The following C14orf132 variants were observed in gnomAD, a reference collection of about 807,000 sequenced individuals.
C14orf132 encodes uncharacterized protein C14orf132.
In C14orf132, 6 loss-of-function variants were observed where a neutral mutation model predicts 5.8. The ratio of observed to expected loss-of-function variants is 1.03; its 90% CI spans 0.57 to 2.04. The LOEUF (loss-of-function observed/expected upper bound fraction) is 2.04. C14orf132 is among the 30% of genes most tolerant of loss of function. C14orf132 has a pLI of 0.00. For synonymous variants in C14orf132, 51 were observed against 49.8 expected (o/e 1.02, Z -0.10); for missense variants, 125 against 115.8 (o/e 1.08, Z -0.37).
chr14:96,049,653 T>TAGAG lies in C14orf132; in HGVS notation c.27+10143_27+10146dup, dbSNP rs1555384130. Among the ~76,000 whole-genome samples the TAGAG allele has an allele frequency of 4.6e-3, 380 of 82,270 alleles. 47 individuals are homozygous for TAGAG. The highest frequency in any genetic ancestry group is 0.015 in the African/African-American group (334 of 21,754). 54.0% of individuals were successfully genotyped at this position (82,270 alleles called of 152,430 possible). On this transcript the variant is annotated intron_variant, in intron 1 of 1. Coordinates refer to ENST00000555004, the MANE Select transcript of C14orf132 (RefSeq NM_001252507.3). ...ATACATATATACGTATATATATATA[T>TAGAG]AGAGAGAGAGAGAGAGAGAGTTCTG...
rs2181640 is a variant in C14orf132 at position 96,092,258 on chromosome 14, C to T, written c.*5523C>T. ...GGATTCTGGATGCTGGTCTTTTGAC[C>T]GTGGCGGCAGCCTCGCGCCTGCCCG... On this transcript the variant is annotated 3_prime_UTR_variant, in exon 2 of 2. Transcript: ENST00000555004. 8,550 of 152,212 alleles carry T rather than the reference C, an allele frequency of 0.056. 457 individuals are homozygous for T. The highest frequency in any genetic ancestry group is 0.3 in the East Asian group (1,551 of 5,136). The allele number at this position is 152,212 out of a possible 1,614,324, so 9.4% of individuals were successfully genotyped here. A position where few individuals can be genotyped will look rare whatever the true frequency, so the allele number is the denominator to read the frequency against.
intron 1 of C14orf132, among the ~76,000 whole-genome samples, chr14:96,041,875 T>TAAAAG (rs1700831632): frequency 6.6e-6 from 1 of 152,162 alleles, no homozygotes; most frequent in East Asian, 1.9e-4. Flanking sequence ...TTTCTGCATG[T>TAAAAG]TTATAAAAGC....
chr14:96,041,806 C>T lies in C14orf132; in HGVS notation c.27+2279C>T, dbSNP rs186333406. On this transcript the variant is annotated intron_variant, in intron 1 of 1. Transcript: ENST00000555004. ...CTAGTACCTGCCTTGTGACAAGCTC[C>T]GTATCAGGCACTGGGACAGGGATCC... 8.5e-5 allele frequency among the ~76,000 whole-genome samples: 13 copies of T among 152,284 alleles called. No individual in the cohort carries two copies. In the East Asian group the frequency reaches 9.7e-4, roughly 11 times the overall value.
At chr14:96,073,110 C>G (rs1385982650) in intron 1 of C14orf132, among the ~76,000 whole-genome samples, 2 of 151,892 alleles carry the variant, frequency 1.3e-5, no homozygotes, top group Admixed American at 1.3e-4. Context: ...TACAAGAGTT[C>G]TGGTTGCTCC....
intron 1 of C14orf132, among the ~76,000 whole-genome samples, chr14:96,060,243 T>C (rs1887310789): frequency 6.6e-6 from 1 of 152,028 alleles, no homozygotes; most frequent in Non-Finnish European, 1.5e-5. Context: ...ACAGGGCTGG[T>C]ATGAAGTTGA....
rs867854379 is a variant in C14orf132, at chr14:96,064,393, C to T, written c.28-22118C>T. Among the ~76,000 whole-genome samples the T allele has an allele frequency of 1.3e-3, 186 of 146,392 alleles. 1 individual carries two copies. The highest frequency in any genetic ancestry group is 4.4e-3 in the African/African-American group (169 of 38,530). ...ACACACACACACACACACACACACA[C>T]ATATACATATATGTATATATATACA... On this transcript the variant is annotated intron_variant, in intron 1 of 1. Transcript: ENST00000555004.
Position 96,072,676 on chromosome 14 carries a change from C to T in C14orf132, c.28-13835C>T, listed in dbSNP as rs907367352. On this transcript the variant is annotated intron_variant, in intron 1 of 1. Transcript: ENST00000555004. ...GCGGTCAACCACCCACTACCTGACA[C>T]ATCCCTGTCTCTGCTGTTGTCCACC... Among the ~76,000 whole-genome samples, 4 of 152,336 alleles carry T rather than the reference C, an allele frequency of 2.6e-5. No homozygotes were observed. In the South Asian group the frequency reaches 8.3e-4, roughly 32 times the overall value.
intron 1 of C14orf132, among the ~76,000 whole-genome samples, chr14:96,046,294 A>T (rs1183400907): frequency 6.6e-6 from 1 of 152,126 alleles, no homozygotes; most frequent in Non-Finnish European, 1.5e-5. Flanking sequence ...GTCCTTGGGG[A>T]CTGGCTACTA....
chr14:96,074,383 G>T (rs1887798623), intron 1 of C14orf132, among the ~76,000 whole-genome samples: 1 of 152,082 alleles, frequency 6.6e-6, no homozygotes, highest in African/African-American at 2.4e-5. Flanking sequence ...AATCCAGTTT[G>T]CAGTGTTTTC....
At chr14:96,053,897 G>T (rs759087108) in intron 1 of C14orf132, among the ~76,000 whole-genome samples, 2 of 152,294 alleles carry the variant, frequency 1.3e-5, no homozygotes, top group South Asian at 4.2e-4. Flanking sequence ...ACACTAAAGC[G>T]TCTGTCGCAT....
intron 1 of C14orf132, among the ~76,000 whole-genome samples, chr14:96,068,498 C>T (rs1231378022): frequency 1.3e-5 from 2 of 152,172 alleles, no homozygotes; most frequent in Admixed American, 1.3e-4. Flanking sequence ...AGACCCCACC[C>T]ACTGATACCC....
intron 1 of C14orf132, among the ~76,000 whole-genome samples, chr14:96,071,649 T>C (rs1887711996): frequency 6.6e-6 from 1 of 152,192 alleles, no homozygotes; most frequent in Non-Finnish European, 1.5e-5. Context: ...CTGAAGGGGT[T>C]CAGATGGCAG....
chr14:96,058,866 A>G (rs1334843546), intron 1 of C14orf132, among the ~76,000 whole-genome samples: 1 of 152,226 alleles, frequency 6.6e-6, no homozygotes, highest in African/African-American at 2.4e-5. Flanking sequence ...CAGGTTGCCC[A>G]AGGGGCTTTG....
At chr14:96,056,859 G>A (rs866945838) in intron 1 of C14orf132, among the ~76,000 whole-genome samples, 5 of 152,140 alleles carry the variant, frequency 3.3e-5, no homozygotes, top group Admixed American at 6.5e-5. Flanking sequence ...AGCTCCCCAC[G>A]CCTCCTTCTG....
intron 1 of C14orf132, among the ~76,000 whole-genome samples, chr14:96,048,672 C>T (rs1174967165): frequency 6.6e-6 from 1 of 151,944 alleles, no homozygotes; most frequent in Non-Finnish European, 1.5e-5. Flanking sequence ...ATTACAGGTG[C>T]ATGCCACCAT....
chr14:96,085,962 TCTCA>T, intron 1 of C14orf132, among the ~76,000 whole-genome samples: 1 of 148,160 alleles, frequency 6.7e-6, no homozygotes. Context: ...TGTCTCTCTC[TCTCA>T]CTCTGTCTCT....
intron 1 of C14orf132, among the ~76,000 whole-genome samples, chr14:96,045,228 G>C (rs762950927): frequency 6.6e-6 from 1 of 152,330 alleles, no homozygotes; most frequent in African/African-American, 2.4e-5. Flanking sequence ...TAACAAGATG[G>C]GGGTAAACAC....
intron 1 of C14orf132, among the ~76,000 whole-genome samples, chr14:96,046,634 C>T (rs1358298832): frequency 1.3e-5 from 2 of 152,238 alleles, no homozygotes; most frequent in Non-Finnish European, 2.9e-5. Flanking sequence ...GAATCTGGCC[C>T]TTGCCAGGTG....
intron 1 of C14orf132, among the ~76,000 whole-genome samples, chr14:96,065,825 C>T (rs946391869): frequency 6.6e-5 from 10 of 152,154 alleles, no homozygotes; most frequent in South Asian, 2.1e-4. Context: ...ACACAGGGGA[C>T]GCCCATTTGG....
Sources: allele counts gnomAD v4.1 joint callset (sites outside exome capture counted in the v4.1 genomes callset), GRCh38; gene constraint gnomAD v4.1.1; transcripts MANE v1.5; gene names NCBI Gene and HGNC (gene_info 2026-07-23, HGNC 2026-07-21).